GOLGA1: variants seen among roughly 807,000 people sequenced by gnomAD.
The protein encoded by GOLGA1 is golgin A1, also known as golgin subfamily A member 1.
GOLGA1 carries 63 observed loss-of-function variants against 119.7 expected under a neutral mutation model. The ratio of observed to expected loss-of-function variants is 0.53; its 90% confidence interval spans 0.43 to 0.65. GOLGA1 has a LOEUF of 0.65. Among genes scored for constraint, GOLGA1 ranks in the 30% least tolerant of loss-of-function variants. The probability of loss-of-function intolerance (pLI) is 0.00; values close to 1 mark genes in which losing one functional copy is unlikely to be tolerated. For missense variants in GOLGA1, 798 were observed against 912.8 expected (o/e 0.87, Z 1.62); for synonymous variants, 318 against 333.4 (o/e 0.95, Z 0.50).
chr9:124,881,725 G>A lies in GOLGA1; in HGVS notation c.2136+59C>T. Reference sequence around the variant, plus strand: ...AGAAAGGGGCTGGGCAGGGGTCCCTGCAGGACAGACTGTAGGGCGGGGCCT... The same window carrying A: ...AGAAAGGGGCTGGGCAGGGGTCCCTACAGGACAGACTGTAGGGCGGGGCCT... On this transcript the variant is annotated intron_variant, in intron 21 of 22. Coordinates refer to ENST00000373555, the MANE Select transcript of GOLGA1 (RefSeq NM_002077.4). The surrounding 1 kb of genome is among the most constrained non-coding windows in gnomAD (Gnocchi z 4.9). 1.7e-6 allele frequency: 2 copies of A among 1,175,602 alleles called. No homozygotes were observed. Among genetic ancestry groups the A allele is most frequent in the South Asian group, 2.8e-5 (2 of 71,736 alleles). 72.8% of individuals were successfully genotyped at this position (1,175,602 alleles called of 1,614,324 possible). A position where few individuals can be genotyped will look rare whatever the true frequency, so the allele number is the denominator to read the frequency against.
chr9:124,882,226 A>G (rs1420773611), intron 20 of GOLGA1, among the ~76,000 whole-genome samples: 3 of 152,034 alleles, frequency 2.0e-5, no homozygotes, highest in African/African-American at 4.8e-5. Flanking sequence ...ACACACACAC[A>G]CTGTTAGAGC....
At chr9:124,928,371 A>G (rs2131512803) in intron 5 of GOLGA1, 86 bp from the exon 6 acceptor site, 6 of 641,596 alleles carry the variant, frequency 9.4e-6, no homozygotes, top group East Asian at 3.1e-5. Context: ...ACTGTCACCT[A>G]ATGAAAAAGG....
intron 19 of GOLGA1, among the ~76,000 whole-genome samples, chr9:124,885,316 CCATCTCAAA>C (rs916999815): frequency 9.2e-6 from 1 of 108,904 alleles, no homozygotes; most frequent in African/African-American, 3.2e-5. Flanking sequence ...GACAGAGACT[CCATCTCAAA>C]AAAAAAAAAA....
intron 3 of GOLGA1, among the ~76,000 whole-genome samples, chr9:124,936,452 A>T (rs1383662355): frequency 6.6e-6 from 1 of 151,932 alleles, no homozygotes; most frequent in African/African-American, 2.4e-5. Context: ...TTTAAAAAAA[A>T]TCTTTAGAGA....
In GOLGA1 at chr9:124,888,512, A is replaced by G. The variant is rs1829778040; in HGVS notation, c.1762-116T>C. On this transcript the variant is annotated intron_variant, in intron 18 of 22. Coordinates refer to ENST00000373555, the MANE Select transcript of GOLGA1 (RefSeq NM_002077.4). This position sits in a 1 kb window ranked among gnomAD's most constrained non-coding sequence, Gnocchi z 4.4. ...TTAGGTATGGGCGTTGTGCTCCAACAGGCAACTGGCCAGGAAGCAATTCCT... is the reference window on the plus strand; with the variant it reads ...TTAGGTATGGGCGTTGTGCTCCAACGGGCAACTGGCCAGGAAGCAATTCCT... The G allele has an allele frequency of 2.3e-6, 2 of 855,892 alleles. No individual in the cohort carries two copies. The highest frequency in any genetic ancestry group is 3.8e-6 in the Non-Finnish European group (2 of 532,500). The allele number at this position is 855,892 out of a possible 1,614,324, so 53.0% of individuals were successfully genotyped here.
At chr9:124,918,405 T>A (rs1588085386) in intron 10 of GOLGA1, among the ~76,000 whole-genome samples, 1 of 152,166 alleles carries the variant, frequency 6.6e-6, no homozygotes, top group East Asian at 1.9e-4. Context: ...GTGACCAAAG[T>A]CTGGACTTCC....
rs1293730773 is a variant in GOLGA1 at position 124,921,307 on chromosome 9, G to GA, written c.732-68dup. ...TCATCTAATATACAGTCTTCTGCAG[G>GA]AAAAATACAAATGGTTTCTTCTGTG... On this transcript the variant is annotated intron_variant, in intron 9 of 22. Transcript: ENST00000373555. 8.8e-6 allele frequency: 8 copies of GA among 905,874 alleles called. No homozygotes were observed. In the East Asian group the frequency reaches 1.9e-4, roughly 22 times the overall value. The allele number at this position is 905,874 out of a possible 1,614,324, so 56.1% of individuals were successfully genotyped here.
intron 12 of GOLGA1, among the ~76,000 whole-genome samples, chr9:124,902,716 C>G (rs1433630962): frequency 6.6e-6 from 1 of 152,032 alleles, no homozygotes; most frequent in Non-Finnish European, 1.5e-5. Flanking sequence ...GTCTCGATCT[C>G]CTGACCTTGT....
At chr9:124,921,586 G>C in intron 9 of GOLGA1, 137 bp downstream of exon 9, 1 of 737,456 alleles carries the variant, frequency 1.4e-6, no homozygotes, top group Non-Finnish European at 2.3e-6. Flanking sequence ...GTCCTAGGCA[G>C]GTAAGGATGT....
intron 3 of GOLGA1, 111 bp downstream of exon 3, chr9:124,938,466 C>T: frequency 1.1e-6 from 1 of 880,440 alleles, no homozygotes; most frequent in Non-Finnish European, 1.8e-6. Context: ...GATGTACAGG[C>T]TCTTGTACAG....
At chr9:124,930,513 A>C (rs893624639) in intron 4 of GOLGA1, among the ~76,000 whole-genome samples, 2 of 152,218 alleles carry the variant, frequency 1.3e-5, no homozygotes, top group African/African-American at 4.8e-5. Context: ...TGATAACTAC[A>C]TAAATACAAA....
At chr9:124,901,357 G>A (rs1322409931) in intron 12 of GOLGA1, among the ~76,000 whole-genome samples, 3 of 147,456 alleles carry the variant, frequency 2.0e-5, no homozygotes, top group South Asian at 2.2e-4. Context: ...TGCAACCTCC[G>A]CCTGCTGGGT....
intron 10 of GOLGA1, among the ~76,000 whole-genome samples, chr9:124,915,154 T>C (rs185759453): frequency 1.3e-5 from 2 of 152,296 alleles, no homozygotes; most frequent in African/African-American, 4.8e-5. Flanking sequence ...CAATTCTGGG[T>C]GGTGGTCACT....
Position 124,882,503 on chromosome 9 carries a change from T to C in GOLGA1, c.1965+7A>G. 1.2e-6 allele frequency: 2 copies of C among 1,606,308 alleles called. No homozygotes were observed. Among genetic ancestry groups the C allele is most frequent in the Non-Finnish European group, 1.7e-6 (2 of 1,174,226 alleles). On this transcript the variant is annotated splice_region_variant and intron_variant, in intron 20 of 22. Coordinates refer to ENST00000373555, the MANE Select transcript of GOLGA1 (RefSeq NM_002077.4). ...GAAGTGGGGCCAGCTCCCATGCGAGTACTCACCAGCTCCTTCTGCAGAGTC... is the reference window on the plus strand; with the variant it reads ...GAAGTGGGGCCAGCTCCCATGCGAGCACTCACCAGCTCCTTCTGCAGAGTC...
At chr9:124,903,008 T>C (rs1249922061) in intron 12 of GOLGA1, among the ~76,000 whole-genome samples, 1 of 152,186 alleles carries the variant, frequency 6.6e-6, no homozygotes, top group Non-Finnish European at 1.5e-5. Context: ...GAAGCCAAGT[T>C]CAAGATAGAT....
intron 13 of GOLGA1, 117 bp from the exon 14 acceptor site, chr9:124,899,595 ATCCCCCCTGGCGTTGCTGAGG>A: frequency 1.9e-6 from 2 of 1,055,380 alleles, no homozygotes; most frequent in Non-Finnish European, 2.7e-6. Flanking sequence ...TCCTGACCCC[ATCCCCCCTGGCGTTGCTGAGG>A]TCCCCCCTGC....
At chr9:124,912,822 G>C (rs1830367214) in intron 10 of GOLGA1, among the ~76,000 whole-genome samples, 1 of 152,042 alleles carries the variant, frequency 6.6e-6, no homozygotes, top group African/African-American at 2.4e-5. Context: ...GATTACAGGC[G>C]TAAGCCACTG....
At chr9:124,915,514 C>T (rs1189454463) in intron 10 of GOLGA1, among the ~76,000 whole-genome samples, 3 of 152,172 alleles carry the variant, frequency 2.0e-5, no homozygotes, top group East Asian at 1.9e-4. Flanking sequence ...ACTTGTCTAT[C>T]CTTTTGGTTC....
chr9:124,907,458 A>C (rs1830256459), intron 12 of GOLGA1, among the ~76,000 whole-genome samples: 1 of 152,234 alleles, frequency 6.6e-6, no homozygotes, highest in South Asian at 2.1e-4. Flanking sequence ...CAAACTCCAC[A>C]GCAAAAATGT....
Sources: allele counts gnomAD v4.1 joint callset (sites outside exome capture counted in the v4.1 genomes callset), GRCh38; gene constraint gnomAD v4.1.1; non-coding constraint Gnocchi (gnomAD v3.1); transcripts MANE v1.5; gene names NCBI Gene and HGNC (gene_info 2026-07-23, HGNC 2026-07-21).